TRPS1: variants seen among roughly 807,000 people sequenced by gnomAD.
The protein encoded by TRPS1 is transcriptional repressor GATA binding 1, also known as zinc finger transcription factor Trps1.
In TRPS1, 6 loss-of-function variants were observed where a neutral mutation model predicts 101.2. The ratio of observed to expected loss-of-function variants is 0.06; its 90% CI spans 0.03 to 0.12. TRPS1 has a LOEUF of 0.12. TRPS1 is among the 10% of genes least tolerant of loss of function. The pLI is 1.00. For synonymous variants in TRPS1, 578 were observed against 589.8 expected (o/e 0.98, Z 0.29); for missense variants, 1,363 against 1,567.0 (o/e 0.87, Z 2.20).
chr8:115,585,213 A>G (rs1029916313), intron 5 of TRPS1, among the ~76,000 whole-genome samples: 1 of 152,230 alleles, frequency 6.6e-6, no homozygotes, highest in African/African-American at 2.4e-5. Flanking sequence ...ACTTGAAATC[A>G]GGGATTTAAG....
intron 5 of TRPS1, among the ~76,000 whole-genome samples, chr8:115,577,658 T>C (rs1277994372): frequency 2.0e-5 from 3 of 152,052 alleles, no homozygotes; most frequent in Non-Finnish European, 4.4e-5. Flanking sequence ...ATGTATGAAA[T>C]ATTATGCATC....
At chr8:115,613,273 G>A (rs1387406164) in intron 3 of TRPS1, among the ~76,000 whole-genome samples, 1 of 152,156 alleles carries the variant, frequency 6.6e-6, no homozygotes. Context: ...TTAAAAAGAT[G>A]AGTCAGCAAA....
intron 5 of TRPS1, among the ~76,000 whole-genome samples, chr8:115,551,308 T>C (rs1816698530): frequency 6.6e-6 from 1 of 152,208 alleles, no homozygotes; most frequent in Non-Finnish European, 1.5e-5. Flanking sequence ...AGCTTTAGGA[T>C]TGAGTTTCTG....
intron 5 of TRPS1, among the ~76,000 whole-genome samples, chr8:115,537,364 A>G (rs1352435038): frequency 6.6e-6 from 1 of 152,190 alleles, no homozygotes; most frequent in East Asian, 1.9e-4. Context: ...TGAGAATCAA[A>G]TCTTAAACAC....
chr8:115,604,855 G>A lies in TRPS1; in HGVS notation c.1114C>T (p.Pro372Ser). Residue 372 changes from proline to serine, a missense_variant, in exon 4 of 7, where the codon CCA (proline) becomes TCA (serine). By Grantham distance (74) the Pro-to-Ser change is moderately conservative. Around this residue, in one of 5 missense-constraint regions of TRPS1, gnomAD observed 1,020 missense variants for 1,073.0 expected, o/e 0.95. Coordinates refer to ENST00000395715, the MANE Select transcript of TRPS1 (RefSeq NM_014112.5). The surrounding 1 kb of genome is among the most constrained non-coding windows in gnomAD (Gnocchi z 4.1). ...GGGAGAGAAGCTTTTATTTTGTTTG[G>A]GTGAGTCTGAAGAAAATGTTGTTCT... ...ELEQHFLQTHPNKIKASLPSS... is the reference protein window; with the variant it reads ...ELEQHFLQTHSNKIKASLPSS... 3 of 1,614,004 alleles carry A rather than the reference G, an allele frequency of 1.9e-6. No homozygotes were observed. The South Asian group carries it at 3.3e-5, about 18-fold the overall frequency.
At position 115,604,279 on chromosome 8, in the gene TRPS1, G is replaced by C. The variant is rs755557039; in HGVS notation, c.1690C>G (p.Gln564Glu). Residue 564 changes from glutamine to glutamate, a missense_variant, in exon 4 of 7, where the codon CAA (glutamine) becomes GAA (glutamate). By Grantham distance (29) the Gln-to-Glu change is conservative. Transcript: ENST00000395715. This position sits in a 1 kb window ranked among gnomAD's most constrained non-coding sequence, Gnocchi z 4.1. ...CACTTGTGAATGTTATGGAGCTGTT[G>C]ATAATGACGGAGAAGTGGCCCCACT... ...IVVGPLLRHY[Q>E]QLHNIHKCTI... 9 of 1,614,002 alleles carry C rather than the reference G, an allele frequency of 5.6e-6. No homozygotes were observed. Among genetic ancestry groups the C allele is most frequent in the African/African-American group, 1.3e-5 (1 of 74,930 alleles).
intron 1 of TRPS1, among the ~76,000 whole-genome samples, chr8:115,666,511 G>A (rs1176113706): frequency 3.9e-5 from 6 of 152,114 alleles, no homozygotes; most frequent in Non-Finnish European, 7.4e-5. Flanking sequence ...TGAGCGGCAT[G>A]TAAAACTTCA....
chr8:115,573,290 C>T (rs138284220), intron 5 of TRPS1, among the ~76,000 whole-genome samples: 5 of 152,228 alleles, frequency 3.3e-5, no homozygotes, highest in Middle Eastern at 3.4e-3. Context: ...GGAGAAAATA[C>T]AGCATCTATA....
intron 3 of TRPS1, among the ~76,000 whole-genome samples, chr8:115,614,170 C>G (rs755579482): frequency 6.6e-6 from 1 of 152,200 alleles, no homozygotes; most frequent in African/African-American, 2.4e-5. Flanking sequence ...TAAAAAAACA[C>G]TGAGTAACCT....
At chr8:115,496,084 G>A (rs547866323) in intron 5 of TRPS1, among the ~76,000 whole-genome samples, 1 of 152,176 alleles carries the variant, frequency 6.6e-6, no homozygotes, top group South Asian at 2.1e-4. Context: ...ACACTTAGTT[G>A]AGCAACTAAC....
chr8:115,465,503 A>G (rs1814294019), intron 5 of TRPS1, among the ~76,000 whole-genome samples: 1 of 152,136 alleles, frequency 6.6e-6, no homozygotes, highest in Admixed American at 6.6e-5. Flanking sequence ...TTAAATTTAT[A>G]TAAAAAATAA....
Position 115,415,030 on chromosome 8 carries a change from T to G in TRPS1, c.2878A>C (p.Arg960=), listed in dbSNP as rs1197891220. ...KQNNGEQIIR[R]RTRKRLNPEA... is the part of the protein sequence containing the mutation. ...GGGTTAAGGCGCTTTCTTGTTCTCC[T>G]CCTAATAATCTGCTCACCGTTGTTT... Residue 960 remains arginine, a synonymous_variant, in exon 7 of 7, where the codon AGG becomes CGG. Transcript: ENST00000395715. 1 of 1,586,310 alleles carries G rather than the reference T, an allele frequency of 6.3e-7. No individual in the cohort carries two copies. The highest frequency in any genetic ancestry group is 8.5e-7 in the Non-Finnish European group (1 of 1,171,648).
At chr8:115,573,277 A>G (rs573906681) in intron 5 of TRPS1, among the ~76,000 whole-genome samples, 1 of 152,260 alleles carries the variant, frequency 6.6e-6, no homozygotes. Flanking sequence ...CTCTCTGTAA[A>G]ATGGAGAAAA....
At chr8:115,467,523 C>T (rs1448237689) in intron 5 of TRPS1, among the ~76,000 whole-genome samples, 1 of 151,914 alleles carries the variant, frequency 6.6e-6, no homozygotes, top group Non-Finnish European at 1.5e-5. Flanking sequence ...TGAATTTCTA[C>T]CTATTAGGCT....
At chr8:115,630,730 T>C (rs1301618944) in intron 1 of TRPS1, among the ~76,000 whole-genome samples, 1 of 152,040 alleles carries the variant, frequency 6.6e-6, no homozygotes, top group African/African-American at 2.4e-5. Context: ...TTAAGTACTA[T>C]TATCATTCAC....
At chr8:115,415,308 A>G (rs951059351) in intron 6 of TRPS1, among the ~76,000 whole-genome samples, 22 of 152,086 alleles carry the variant, frequency 1.4e-4, no homozygotes, top group Admixed American at 1.3e-4. Context: ...TGCAGGGGGG[A>G]CTGAAAACTT....
At chr8:115,428,963 C>T (rs1484867147) in intron 5 of TRPS1, among the ~76,000 whole-genome samples, 1 of 152,162 alleles carries the variant, frequency 6.6e-6, no homozygotes, top group Non-Finnish European at 1.5e-5. Flanking sequence ...TTGGTGAAAC[C>T]GACCATGAGC....
chr8:115,496,183 A>ACC (rs1249101493), intron 5 of TRPS1, among the ~76,000 whole-genome samples: 10 of 152,214 alleles, frequency 6.6e-5, no homozygotes, highest in Non-Finnish European at 1.0e-4. Context: ...TATTTATCCC[A>ACC]GGTTGAAAAC....
At chr8:115,621,885 C>T (rs1455067847) in intron 2 of TRPS1, among the ~76,000 whole-genome samples, 1 of 151,188 alleles carries the variant, frequency 6.6e-6, no homozygotes, top group Admixed American at 6.6e-5. Flanking sequence ...CATTGCACTC[C>T]AGCCTGGGCG....
Sources: gnomAD v4.1 joint callset for allele counts (sites outside exome capture counted in the v4.1 genomes callset) on GRCh38, gnomAD v4.1.1 for gene constraint, gnomAD v4.1.1 regional missense constraint, Gnocchi (gnomAD v3.1) non-coding constraint, MANE v1.5 for transcripts, NCBI Gene and HGNC (gene_info 2026-07-23, HGNC 2026-07-21) for gene names.